The following CPVL variants were observed in gnomAD, a reference collection of about 807,000 sequenced individuals.
CPVL encodes probable serine carboxypeptidase CPVL.
Under a neutral mutation model 63.7 loss-of-function variants are expected in CPVL, and 51 were observed. The observed-to-expected ratio is 0.80, with a 90% CI of 0.64 to 1.01. The LOEUF is 1.01. Ranked by LOEUF, CPVL falls within the 50% of genes least tolerant of loss-of-function variation. The pLI is 0.00. For synonymous variants in CPVL, 195 were observed against 206.0 expected, an observed-to-expected ratio of 0.95 and a Z score of 0.46; for missense variants, 530 against 573.1, an observed-to-expected ratio of 0.92 and a Z score of 0.77.
At chr7:29,134,552 A>G (rs558137588) in intron 1 of CPVL, among the ~76,000 whole-genome samples, 2 of 152,326 alleles carry the variant, frequency 1.3e-5, no homozygotes, top group East Asian at 1.9e-4. Flanking sequence ...CTTTAAGGAG[A>G]TAAGAGAAGA....
intron 5 of CPVL, among the ~76,000 whole-genome samples, chr7:29,180,164 C>G (rs1195857687): frequency 6.6e-6 from 1 of 152,166 alleles, no homozygotes; most frequent in Non-Finnish European, 1.5e-5. Context: ...GAAAATATTT[C>G]ACATCAAACA....
intron 12 of CPVL, among the ~76,000 whole-genome samples, chr7:29,000,015 T>G (rs182135215): frequency 1.3e-3 from 198 of 152,192 alleles, no homozygotes; most frequent in African/African-American, 4.6e-3. Flanking sequence ...TGTGACAAGA[T>G]TAATCTCAGG....
intron 11 of CPVL, among the ~76,000 whole-genome samples, chr7:29,059,590 C>T (rs190217047): frequency 1.3e-5 from 2 of 152,276 alleles, no homozygotes; most frequent in East Asian, 3.9e-4. Flanking sequence ...AAAGACAAAA[C>T]CACATGATCA....
chr7:29,021,804 C>A (rs921842282), intron 12 of CPVL, among the ~76,000 whole-genome samples: 2 of 151,896 alleles, frequency 1.3e-5, no homozygotes, highest in African/African-American at 2.4e-5. Context: ...CCGGCCCCCA[C>A]CAGACTACAT....
chr7:29,114,493 T>A (rs1047313036), intron 2 of CPVL, among the ~76,000 whole-genome samples: 1 of 152,002 alleles, frequency 6.6e-6, no homozygotes, highest in Non-Finnish European at 1.5e-5. Context: ...TAGCTGAGCA[T>A]GGTGGCAGTG....
intron 11 of CPVL, among the ~76,000 whole-genome samples, chr7:29,038,673 TATTC>T (rs1338508102): frequency 6.6e-6 from 1 of 152,224 alleles, no homozygotes; most frequent in African/African-American, 2.4e-5. Context: ...GGTTGTCATT[TATTC>T]AATGCTTATG....
chr7:29,049,547 C>A (rs993871043), intron 11 of CPVL, among the ~76,000 whole-genome samples: 3 of 152,038 alleles, frequency 2.0e-5, no homozygotes, highest in Non-Finnish European at 4.4e-5. Flanking sequence ...AAAAAAAAGT[C>A]CAGAACCAGA....
At chr7:29,023,463 G>C (rs1584017661) in intron 12 of CPVL, among the ~76,000 whole-genome samples, 2 of 152,228 alleles carry the variant, frequency 1.3e-5, no homozygotes, top group African/African-American at 4.8e-5. Context: ...CCTCCCACCG[G>C]GTCCCTTCCA....
At chr7:29,008,580 GTTTCT>G (rs1208586033) in intron 12 of CPVL, among the ~76,000 whole-genome samples, 1 of 152,044 alleles carries the variant, frequency 6.6e-6, no homozygotes, top group African/African-American at 2.4e-5. Flanking sequence ...TAGCCCTCAT[GTTTCT>G]TTTAATGTCC....
chr7:29,054,851 T>C (rs1283042743), intron 11 of CPVL, among the ~76,000 whole-genome samples: 1 of 152,236 alleles, frequency 6.6e-6, no homozygotes, highest in Non-Finnish European at 1.5e-5. Context: ...ATCTTCTGAT[T>C]CATTAAATTT....
intron 12 of CPVL, chr7:28,996,185 C>T (rs1212045279): frequency 1.6e-5 from 4 of 251,864 alleles, no homozygotes; most frequent in South Asian, 1.1e-4. Flanking sequence ...GCCTGCTCCC[C>T]GCAGTTGAGA....
At position 29,175,608 on chromosome 7, in the gene CPVL, A is replaced by G. The variant is rs147911158; in HGVS notation, c.-11+5682T>C. 5.7e-3 allele frequency among the ~76,000 whole-genome samples: 867 copies of G among 152,164 alleles called. 7 individuals are homozygous for G. The highest frequency in any genetic ancestry group is 9.2e-3 in the Non-Finnish European group (626 of 68,008). On this transcript the variant is annotated intron_variant, in intron 5 of 16. Coordinates refer to the CPVL transcript ENST00000409850. ...TCCCCAGCCGTATGGAACTGAGTCA[A>G]TTTTTCCTCTTATCTTTGTAGATTA... is the stretch of plus-strand genomic sequence containing the variant.
intron 1 of CPVL, 183 bp downstream of exon 1, chr7:29,146,246 T>C: frequency 9.1e-6 from 2 of 220,744 alleles, no homozygotes; most frequent in Non-Finnish European, 1.8e-5. Context: ...TCCCCAATGC[T>C]CCAATTTGAA....
chr7:29,074,229 G>A (rs1161561763), intron 7 of CPVL, among the ~76,000 whole-genome samples: 2 of 152,090 alleles, frequency 1.3e-5, no homozygotes, highest in Non-Finnish European at 2.9e-5. Flanking sequence ...CATTGATACA[G>A]CTCTCTTGTG....
chr7:29,029,960 A>T (rs1787868264), intron 12 of CPVL, among the ~76,000 whole-genome samples: 1 of 152,202 alleles, frequency 6.6e-6, no homozygotes, highest in Admixed American at 6.5e-5. Context: ...CCCTTCCCTC[A>T]AACAAATCTC....
chr7:29,093,377 CAAAAAAAAA>C (rs371165878), intron 5 of CPVL, among the ~76,000 whole-genome samples: 5 of 70,026 alleles, frequency 7.1e-5, no homozygotes, highest in East Asian at 3.9e-4. Context: ...ACTCCGTCTC[CAAAAAAAAA>C]AAAAAAAAAA....
At chr7:29,055,083 C>T (rs541877065) in intron 11 of CPVL, among the ~76,000 whole-genome samples, 6 of 152,188 alleles carry the variant, frequency 3.9e-5, no homozygotes, top group South Asian at 4.1e-4. Context: ...TCTGAAAGTG[C>T]CTTGGCTATC....
intron 5 of CPVL, among the ~76,000 whole-genome samples, chr7:29,174,137 C>CAT (rs1796960673): frequency 6.6e-6 from 1 of 151,974 alleles, no homozygotes; most frequent in Admixed American, 6.6e-5. Context: ...GAGAGACCCC[C>CAT]CCGTTTGGTG....
intron 12 of CPVL, chr7:29,010,692 G>T (rs1432375715): frequency 3.3e-5 from 5 of 152,158 alleles, no homozygotes. Flanking sequence ...AGGACTCTAT[G>T]AACAGAGCAA....
Sources: allele counts gnomAD v4.1 joint callset (sites outside exome capture counted in the v4.1 genomes callset), GRCh38; gene constraint gnomAD v4.1.1; transcripts MANE v1.5; gene names NCBI Gene and HGNC (gene_info 2026-07-23, HGNC 2026-07-21).